FADS2: variants seen among roughly 807,000 people sequenced by gnomAD.
FADS2 encodes fatty acid desaturase 2.
FADS2 carries 18 observed loss-of-function variants against 61.2 expected under a neutral mutation model. That is an observed-to-expected ratio of 0.29 (90% CI 0.20 to 0.44). FADS2 has a LOEUF of 0.44. FADS2 is among the 20% of genes least tolerant of loss of function. The pLI is 1.00. For synonymous variants in FADS2, 203 were observed against 223.9 expected (o/e 0.91, Z 0.83); for missense variants, 322 against 572.7 (o/e 0.56, Z 4.47).
chr11:61,857,610 C>T, intron 7 of FADS2, 80 bp downstream of exon 7: 1 of 1,260,928 alleles, frequency 7.9e-7, no homozygotes, highest in Non-Finnish European at 1.2e-6. Context: ...ACGCTGCCTC[C>T]TCGTGTGCCC....
At chr11:61,835,246 A>G (rs567706345) in intron 1 of FADS2, among the ~76,000 whole-genome samples, 6 of 152,264 alleles carry the variant, frequency 3.9e-5, no homozygotes, top group Admixed American at 1.3e-4. Context: ...TGTTCTAGAC[A>G]CAAATAGAAC....
At chr11:61,863,404 G>A (rs762341097) in intron 9 of FADS2, 26 bp downstream of exon 9, 7 of 1,530,690 alleles carry the variant, frequency 4.6e-6, no homozygotes, top group African/African-American at 2.7e-5. Context: ...CCGGTCACCA[G>A]AGCCTGGTCC....
chr11:61,828,652 T>A lies in FADS2; in HGVS notation c.207+55T>A. On this transcript the variant is annotated intron_variant, in intron 1 of 11. Transcript: ENST00000278840. The surrounding 1 kb of genome is among the most constrained non-coding windows in gnomAD (Gnocchi z 6.4). Reference sequence around the variant, plus strand: ...TTCTCTGCTGCAGGCGGAGTCAGGATCCCTGGCTCCCCGTGGGCCAAACAG... The same window carrying A: ...TTCTCTGCTGCAGGCGGAGTCAGGAACCCTGGCTCCCCGTGGGCCAAACAG... 1 of 1,503,662 alleles carries A rather than the reference T, an allele frequency of 6.7e-7. No individual in the cohort carries two copies. The highest frequency in any genetic ancestry group is 9.1e-7 in the Non-Finnish European group (1 of 1,099,268). 93.1% of individuals were successfully genotyped at this position (1,503,662 alleles called of 1,614,324 possible).
chr11:61,832,601 C>T (rs2067138939), intron 1 of FADS2, among the ~76,000 whole-genome samples: 1 of 152,212 alleles, frequency 6.6e-6, no homozygotes, highest in Non-Finnish European at 1.5e-5. Flanking sequence ...CACTGCGGGG[C>T]TCTTTGGCCA....
Position 61,816,890 on chromosome 11 carries a change from C to T in FADS2, c.141+464C>T. 2 of 1,456,974 alleles carry T rather than the reference C, an allele frequency of 1.4e-6. No individual in the cohort carries two copies. The highest frequency in any genetic ancestry group is 1.3e-5 in the South Asian group (1 of 74,112). The allele number at this position is 1,456,974 out of a possible 1,614,324, so 90.3% of individuals were successfully genotyped here. On this transcript the variant is annotated intron_variant, in intron 1 of 11. Coordinates refer to the FADS2 transcript ENST00000257261. The surrounding 1 kb of genome is among the most constrained non-coding windows in gnomAD (Gnocchi z 7.0). ...CGCCTGCGCGCCGGGTTTTCAGCAC[C>T]GCAGGGCAGACCGGCGGGCCTCGCA...
In FADS2 at chr11:61,840,399, C is replaced by A. The variant is rs764128593; in HGVS notation, c.384C>A (p.Thr128=). The change falls in exon 3 of 12, where the codon ACC becomes ACA. Residue 128 remains threonine, a synonymous_variant. Transcript: ENST00000278840. ...KTAEDMNLFK[T]NHVFFLLLLA... ...CTGAGGACATGAACCTGTTCAAGAC[C>A]AACCACGTGTTCTTCCTCCTCCTCC... 6.2e-7 allele frequency: 1 copy of A among 1,614,176 alleles called. No homozygotes were observed. The highest frequency in any genetic ancestry group is 8.5e-7 in the Non-Finnish European group (1 of 1,180,022).
upstream of FADS2, among the ~76,000 whole-genome samples, chr11:61,824,433 AGGGAGGGAGGGAGGGAGGGAG>A (rs1280194350): frequency 4.8e-4 from 3 of 6,228 alleles, no homozygotes; most frequent in African/African-American, 1.6e-3. Context: ...AGAGAGAGAG[AGGGAGGGAGGGAGGGAGGGAG>A]GGAGGGAGAG....
Position 61,828,794 on chromosome 11 carries a change from A to C in FADS2, c.207+197A>C. ...CTGGGCCGACTGGGGTGGAGACCGG[A>C]TCTGGGACCCGGGGAGGCGGCGCTG... On this transcript the variant is annotated intron_variant, in intron 1 of 11. Coordinates refer to ENST00000278840, the MANE Select transcript of FADS2 (RefSeq NM_004265.4). This position sits in a 1 kb window ranked among gnomAD's most constrained non-coding sequence, Gnocchi z 6.4. The C allele has an allele frequency of 1.8e-6, 1 of 559,696 alleles. No homozygotes were observed. Among genetic ancestry groups the C allele is most frequent in the South Asian group, 2.2e-5 (1 of 45,524 alleles). 34.7% of individuals were successfully genotyped at this position (559,696 alleles called of 1,614,324 possible). A position where few individuals can be genotyped will look rare whatever the true frequency, so the allele number is the denominator to read the frequency against.
At chr11:61,816,255 C>T (rs747691584), upstream of FADS2, 2 of 1,597,782 alleles carry the variant, frequency 1.3e-6, no homozygotes, top group Admixed American at 3.3e-5. The surrounding 1 kb of genome is among the most constrained non-coding windows in gnomAD (Gnocchi z 7.0). Context: ...TGTCCCCGCC[C>T]AGAGACCTGA....
upstream of FADS2, among the ~76,000 whole-genome samples, chr11:61,824,483 AGAGAG>A (rs1398054366): frequency 0.012 from 119 of 9,698 alleles, 6 homozygotes; most frequent in South Asian, 0.07. Context: ...AGAGAGAGAG[AGAGAG>A]AGAAAGAAAG....
chr11:61,821,173 C>T (rs2067033939), intron 1 of FADS2, among the ~76,000 whole-genome samples: 1 of 152,224 alleles, frequency 6.6e-6, no homozygotes, highest in African/African-American at 2.4e-5. Flanking sequence ...CTTGTGAATA[C>T]TAACTGTTCT....
At position 61,865,525 on chromosome 11, in the gene FADS2, G is replaced by C. The variant is rs1427416506; in HGVS notation, c.1284-113G>C. ...GGCCCAGTGGCAGTGGTAAGCCCTG[G>C]TTAGGGCCAAGGGGACATACATGCC... On this transcript the variant is annotated intron_variant, in intron 11 of 11. Coordinates refer to ENST00000278840, the MANE Select transcript of FADS2 (RefSeq NM_004265.4). This position sits in a 1 kb window ranked among gnomAD's most constrained non-coding sequence, Gnocchi z 4.1. 4 of 1,093,590 alleles carry C rather than the reference G, an allele frequency of 3.7e-6. No homozygotes were observed. In the East Asian group the frequency reaches 1.0e-4, roughly 28 times the overall value. The allele number at this position is 1,093,590 out of a possible 1,614,324, so 67.7% of individuals were successfully genotyped here.
chr11:61,850,739 T>A (rs764683891), intron 5 of FADS2, among the ~76,000 whole-genome samples: 1 of 152,226 alleles, frequency 6.6e-6, no homozygotes, highest in Non-Finnish European at 1.5e-5. Flanking sequence ...TTGTTGCTTT[T>A]ATGCAGATCT....
chr11:61,822,009 A>G (rs28456), intron 1 of FADS2, among the ~76,000 whole-genome samples: 43,760 of 150,766 alleles, frequency 0.29, 7,533 homozygotes, highest in East Asian at 0.54. Flanking sequence ...TCGCTCTGTC[A>G]CCCAGGCTGG....
Position 61,828,680 on chromosome 11 carries a change from C to A in FADS2, c.207+83C>A. 1.6e-6 allele frequency: 2 copies of A among 1,269,562 alleles called. No individual in the cohort carries two copies. Among genetic ancestry groups the A allele is most frequent in the Non-Finnish European group, 2.2e-6 (2 of 901,654 alleles). 78.6% of individuals were successfully genotyped at this position (1,269,562 alleles called of 1,614,324 possible). On this transcript the variant is annotated intron_variant, in intron 1 of 11. Coordinates refer to ENST00000278840, the MANE Select transcript of FADS2 (RefSeq NM_004265.4). This position sits in a 1 kb window ranked among gnomAD's most constrained non-coding sequence, Gnocchi z 6.4. The stretch of plus-strand genomic sequence containing the variant: ...CTGGCTCCCCGTGGGCCAAACAGAC[C>A]TCCGGCGCTGAATGGAGCTTGGGAC...
chr11:61,848,344 A>G, intron 5 of FADS2, 60 bp downstream of exon 5: 2 of 1,607,194 alleles, frequency 1.2e-6, no homozygotes, highest in Non-Finnish European at 1.7e-6. Context: ...ATGGCAGACC[A>G]TCGAGGTACA....
upstream of FADS2, among the ~76,000 whole-genome samples, chr11:61,824,394 AAGAGAGAGAGAGAGAG>A (rs1193068439): frequency 2.9e-4 from 5 of 17,342 alleles, no homozygotes; most frequent in African/African-American, 1.0e-3. Context: ...GGGAAAAAAA[AAGAGAGAGAGAGAGAG>A]AGAGAGAGAG....
upstream of FADS2, among the ~76,000 whole-genome samples, chr11:61,827,006 C>T (rs2067091258): frequency 6.6e-6 from 1 of 152,182 alleles, no homozygotes; most frequent in African/African-American, 2.4e-5. The surrounding 1 kb of genome is among the most constrained non-coding windows in gnomAD (Gnocchi z 4.5). Context: ...ACCTGTAAAT[C>T]CCATTGAAAT....
chr11:61,830,086 C>G (rs185866741), intron 1 of FADS2, among the ~76,000 whole-genome samples: 2 of 152,360 alleles, frequency 1.3e-5, no homozygotes, highest in Non-Finnish European at 2.9e-5. Flanking sequence ...TCAGTGCTAT[C>G]TCACCTGGAC....
Sources: gnomAD v4.1 joint callset for allele counts (sites outside exome capture counted in the v4.1 genomes callset) on GRCh38, gnomAD v4.1.1 for gene constraint, Gnocchi (gnomAD v3.1) non-coding constraint, MANE v1.5 for transcripts, NCBI Gene and HGNC (gene_info 2026-07-23, HGNC 2026-07-21) for gene names.